HDAC9: variants seen among roughly 807,000 people sequenced by gnomAD.
HDAC9 encodes histone deacetylase 9, also known as MEF-2 interacting transcription repressor (MITR) protein.
A neutral mutation model predicts 139.4 loss-of-function variants in HDAC9; 41 were observed. The ratio of observed to expected loss-of-function variants is 0.29; its 90% CI spans 0.23 to 0.38. HDAC9 has a LOEUF of 0.38. HDAC9 is among the 10% of genes least tolerant of loss of function. The pLI is 1.00. For synonymous variants in HDAC9, 517 were observed against 476.2 expected (o/e 1.09, Z -1.12); for missense variants, 1,147 against 1,297.0 (o/e 0.88, Z 1.78).
chr7:18,756,134 T>C (rs28489181), intron 14 of HDAC9, among the ~76,000 whole-genome samples: 5,399 of 152,166 alleles, frequency 0.035, 300 homozygotes, highest in African/African-American at 0.12. Flanking sequence ...TCAGTAACTT[T>C]TAAACTTCCC....
intron 1 of HDAC9, among the ~76,000 whole-genome samples, chr7:18,385,398 A>G (rs1006551852): frequency 1.3e-5 from 2 of 152,168 alleles, no homozygotes; most frequent in Admixed American, 6.5e-5. Context: ...TTGCCTTAGT[A>G]TGCTAGTGAA....
chr7:18,957,222 G>T (rs975413307), intron 24 of HDAC9, among the ~76,000 whole-genome samples: 1 of 152,126 alleles, frequency 6.6e-6, no homozygotes, highest in African/African-American at 2.4e-5. Flanking sequence ...CTGTGGCTTT[G>T]ACCACCGTGT....
At chr7:18,916,268 A>C (rs1377154497) in intron 22 of HDAC9, among the ~76,000 whole-genome samples, 1 of 151,980 alleles carries the variant, frequency 6.6e-6, no homozygotes, top group East Asian at 1.9e-4. Context: ...AGTTTGACCC[A>C]CAGAGCTCTG....
intron 1 of HDAC9, among the ~76,000 whole-genome samples, chr7:18,445,300 T>G (rs1282941842): frequency 3.3e-5 from 5 of 152,124 alleles, no homozygotes; most frequent in Non-Finnish European, 5.9e-5. Flanking sequence ...TTACATTGAG[T>G]TAACTTTTTT....
intron 1 of HDAC9, among the ~76,000 whole-genome samples, chr7:18,389,050 C>T (rs1786214503): frequency 1.3e-5 from 2 of 152,166 alleles, no homozygotes; most frequent in African/African-American, 2.4e-5. Flanking sequence ...TGCAGTTTCA[C>T]TAGGCAATTG....
chr7:18,134,189 A>C (rs1163432617), intron 1 of HDAC9, among the ~76,000 whole-genome samples: 1 of 151,724 alleles, frequency 6.6e-6, no homozygotes, highest in East Asian at 1.9e-4. Flanking sequence ...TTAAAGTTCA[A>C]CTCCCCTTAG....
At chr7:18,910,503 T>C (rs1434224330) in intron 22 of HDAC9, among the ~76,000 whole-genome samples, 1 of 152,022 alleles carries the variant, frequency 6.6e-6, no homozygotes, top group African/African-American at 2.4e-5. Flanking sequence ...GGAGTTTGAC[T>C]TTCTCCTTTC....
At chr7:18,695,789 T>C (rs765927145) in intron 12 of HDAC9, among the ~76,000 whole-genome samples, 13 of 152,216 alleles carry the variant, frequency 8.5e-5, no homozygotes, top group Non-Finnish European at 1.9e-4. Flanking sequence ...GAAAAATCTA[T>C]ACCTAGAGAA....
intron 1 of HDAC9, among the ~76,000 whole-genome samples, chr7:18,108,662 G>T (rs1359087531): frequency 6.8e-6 from 1 of 145,990 alleles, no homozygotes; most frequent in Non-Finnish European, 1.5e-5. Flanking sequence ...TGCCCAGGCT[G>T]GAGTGGCAGT....
intron 1 of HDAC9, among the ~76,000 whole-genome samples, chr7:18,106,299 A>T (rs1049622632): frequency 1.3e-5 from 2 of 152,168 alleles, no homozygotes; most frequent in African/African-American, 2.4e-5. Flanking sequence ...ATCCTTCATG[A>T]TCTGACCTTT....
At chr7:18,498,542 CA>C (rs1454380228) in intron 2 of HDAC9, among the ~76,000 whole-genome samples, 1 of 152,062 alleles carries the variant, frequency 6.6e-6, no homozygotes, top group East Asian at 1.9e-4. Flanking sequence ...AATTTAGCTA[CA>C]AATCTTGTTC....
chr7:18,136,619 T>C (rs1320703180), intron 1 of HDAC9, among the ~76,000 whole-genome samples: 2 of 152,324 alleles, frequency 1.3e-5, no homozygotes, highest in Admixed American at 1.3e-4. Context: ...GCTGTAGATA[T>C]GCGGTGTTAT....
chr7:18,865,085 A>C (rs1798394410), intron 21 of HDAC9, among the ~76,000 whole-genome samples: 1 of 152,156 alleles, frequency 6.6e-6, no homozygotes, highest in African/African-American at 2.4e-5. Flanking sequence ...ATTTGCTTCC[A>C]CCAGAAGAGA....
At chr7:18,182,181 A>G (rs1248314312) in intron 2 of HDAC9, among the ~76,000 whole-genome samples, 1 of 152,196 alleles carries the variant, frequency 6.6e-6, no homozygotes, top group Non-Finnish European at 1.5e-5. Context: ...TGAGAATTCT[A>G]AATTTAAATC....
intron 22 of HDAC9, among the ~76,000 whole-genome samples, chr7:18,880,249 C>T (rs1034318829): frequency 2.0e-5 from 3 of 152,124 alleles, no homozygotes; most frequent in Non-Finnish European, 4.4e-5. Flanking sequence ...AGCAGTGTGG[C>T]AATTCCTCAA....
At chr7:18,563,382 C>T (rs998583192) in intron 2 of HDAC9, among the ~76,000 whole-genome samples, 3 of 151,954 alleles carry the variant, frequency 2.0e-5, no homozygotes, top group Non-Finnish European at 4.4e-5. Context: ...TATAAGCCTC[C>T]TCCAAAAATA....
At chr7:18,605,298 T>C (rs1262099686) in intron 6 of HDAC9, among the ~76,000 whole-genome samples, 1 of 152,150 alleles carries the variant, frequency 6.6e-6, no homozygotes, top group African/African-American at 2.4e-5. Context: ...AATTTCATTT[T>C]TTTAAGTGGG....
At chr7:18,957,779 G>A (rs1783258492) in intron 24 of HDAC9, among the ~76,000 whole-genome samples, 1 of 152,104 alleles carries the variant, frequency 6.6e-6, no homozygotes. Context: ...GTCTCTGAGT[G>A]TCACACAAGT....
At chr7:18,933,969 A>T (rs1477977336) in intron 22 of HDAC9, among the ~76,000 whole-genome samples, 4 of 152,108 alleles carry the variant, frequency 2.6e-5, no homozygotes, top group Non-Finnish European at 5.9e-5. Flanking sequence ...AATATACGTA[A>T]TGCAGGACAG....
Sources: gnomAD v4.1 joint callset for allele counts (sites outside exome capture counted in the v4.1 genomes callset) on GRCh38, gnomAD v4.1.1 for gene constraint, MANE v1.5 for transcripts, NCBI Gene and HGNC (gene_info 2026-07-23, HGNC 2026-07-21) for gene names.